Variants in CA10 observed in about 807,000 individuals in gnomAD.
The protein encoded by CA10 is carbonic anhydrase 10 (inactive).
CA10 carries 14 observed loss-of-function variants against 44.2 expected under a neutral mutation model. The observed-to-expected ratio is 0.32, with a 90% CI of 0.21 to 0.50. The LOEUF (loss-of-function observed/expected upper bound fraction) is 0.50, where lower values mean the gene tolerates loss of function less well. Among genes scored for constraint, CA10 ranks in the 20% least tolerant of loss-of-function variants. CA10 has a pLI of 0.99. For missense variants in CA10, 350 were observed against 409.7 expected, an observed-to-expected ratio of 0.85 and a Z score of 1.26; for synonymous variants, 159 against 141.6, an observed-to-expected ratio of 1.12 and a Z score of -0.87.
In CA10 at chr17:51,805,413, G is replaced by A. The variant is rs78468376; in HGVS notation, c.280-57595C>T. On this transcript the variant is annotated intron_variant, in intron 3 of 8. Coordinates refer to ENST00000451037, the MANE Select transcript of CA10 (RefSeq NM_020178.5). ...ATTGAGTAACGAAGACAATTACAGT[G>A]CTGTGAAGGCAATAACCAGGGTGAC... Among the ~76,000 whole-genome samples, 1,376 of 152,280 alleles carry A rather than the reference G, an allele frequency of 9.0e-3. 22 individuals are homozygous for A. The highest frequency in any genetic ancestry group is 0.031 in the African/African-American group (1,280 of 41,552).
chr17:51,899,019 T>C (rs952448597), intron 3 of CA10, among the ~76,000 whole-genome samples: 1 of 152,030 alleles, frequency 6.6e-6, no homozygotes, highest in African/African-American at 2.4e-5. Context: ...ATCTTTTGTA[T>C]GGTTTTCCCA....
At chr17:51,817,340 GAC>G (rs1385359820) in intron 3 of CA10, among the ~76,000 whole-genome samples, 1 of 152,184 alleles carries the variant, frequency 6.6e-6, no homozygotes, top group African/African-American at 2.4e-5. Flanking sequence ...GAGTAGTTGA[GAC>G]AGAGATCCTA....
At chr17:52,078,335 T>C (rs1987872263) in intron 1 of CA10, among the ~76,000 whole-genome samples, 1 of 152,162 alleles carries the variant, frequency 6.6e-6, no homozygotes, top group African/African-American at 2.4e-5. Flanking sequence ...TGTTGCTTAA[T>C]AAAACTCCAC....
chr17:52,006,560 T>C lies in CA10; in HGVS notation c.136+65759A>G, dbSNP rs116564962. 7.9e-3 allele frequency among the ~76,000 whole-genome samples: 1,192 copies of C among 151,802 alleles called. 13 individuals carry two copies. Among genetic ancestry groups the C allele is most frequent in the African/African-American group, 0.027 (1,128 of 41,506 alleles). Reference sequence around the variant, plus strand: ...AGAGGTAATCAAGGTCCCAAAGCTGTTTTATATCCTTTCTGATTGTTGTTT... The same window carrying C: ...AGAGGTAATCAAGGTCCCAAAGCTGCTTTATATCCTTTCTGATTGTTGTTT... On this transcript the variant is annotated intron_variant, in intron 2 of 8. Transcript: ENST00000451037.
intron 3 of CA10, among the ~76,000 whole-genome samples, chr17:51,898,759 C>G (rs911207465): frequency 3.9e-5 from 6 of 151,992 alleles, no homozygotes; most frequent in African/African-American, 1.4e-4. Context: ...TATTCAGTTT[C>G]TTTCTGGTTC....
In CA10 at chr17:51,901,148, C is replaced by CT. The variant is rs541402615; in HGVS notation, c.279+29841dup. 2.0e-3 allele frequency among the ~76,000 whole-genome samples: 300 copies of CT among 152,146 alleles called. 5 individuals carry two copies. The highest frequency in any genetic ancestry group is 0.017 in the Admixed American group (258 of 15,270). On this transcript the variant is annotated intron_variant, in intron 3 of 8. Coordinates refer to ENST00000451037, the MANE Select transcript of CA10 (RefSeq NM_020178.5). ...TTCTTATCTGTATGGGCTGATGTTC[C>CT]TTTTTATATTTGATGTTACTGTCCT...
chr17:51,820,785 A>G lies in CA10; in HGVS notation c.280-72967T>C, dbSNP rs116679324. Among the ~76,000 whole-genome samples, 870 of 152,140 alleles carry G rather than the reference A, an allele frequency of 5.7e-3. 16 individuals are homozygous for G. The highest frequency in any genetic ancestry group is 0.02 in the African/African-American group (824 of 41,424). ...CTACTCATTTAGAGCACGTCCCAGA[A>G]TTAGTGTGAGGGTTATGTTAGATAA... On this transcript the variant is annotated intron_variant, in intron 3 of 8. Transcript: ENST00000451037.
chr17:51,703,272 T>C (rs920540073), intron 4 of CA10, among the ~76,000 whole-genome samples: 4 of 152,186 alleles, frequency 2.6e-5, no homozygotes, highest in Non-Finnish European at 4.4e-5. Flanking sequence ...TCTTTGTTCA[T>C]TAGTTATAGT....
intron 2 of CA10, among the ~76,000 whole-genome samples, chr17:51,941,339 G>T (rs996404894): frequency 6.6e-6 from 1 of 152,160 alleles, no homozygotes; most frequent in Non-Finnish European, 1.5e-5. Context: ...AAGACAGTCT[G>T]GTTGACGTAG....
chr17:51,821,399 A>G (rs967153164), intron 3 of CA10, among the ~76,000 whole-genome samples: 2 of 151,866 alleles, frequency 1.3e-5, no homozygotes, highest in African/African-American at 4.9e-5. Context: ...AGTTTCTCTT[A>G]TATCTTGCAG....
chr17:52,076,227 G>A (rs910353617), intron 1 of CA10, among the ~76,000 whole-genome samples: 2 of 152,116 alleles, frequency 1.3e-5, no homozygotes, highest in African/African-American at 4.8e-5. Context: ...CTATCTAGAA[G>A]GAAGAAGAAA....
At chr17:51,930,606 T>A (rs1982616974) in intron 3 of CA10, among the ~76,000 whole-genome samples, 1 of 152,170 alleles carries the variant, frequency 6.6e-6, no homozygotes, top group African/African-American at 2.4e-5. Context: ...CGTCTGATTT[T>A]ATTTTTGTTA....
At chr17:51,962,748 T>C (rs1261018401) in intron 2 of CA10, among the ~76,000 whole-genome samples, 1 of 151,956 alleles carries the variant, frequency 6.6e-6, no homozygotes, top group Non-Finnish European at 1.5e-5. Flanking sequence ...AATGATATTA[T>C]AGGGAAATAA....
chr17:51,973,175 T>A (rs1236635746), intron 2 of CA10, among the ~76,000 whole-genome samples: 1 of 152,144 alleles, frequency 6.6e-6, no homozygotes, highest in Non-Finnish European at 1.5e-5. Flanking sequence ...CAGACATGGA[T>A]AAGAGAGAAC....
At chr17:51,699,388 G>A (rs934848903) in intron 4 of CA10, among the ~76,000 whole-genome samples, 2 of 151,516 alleles carry the variant, frequency 1.3e-5, no homozygotes, top group Non-Finnish European at 2.9e-5. Flanking sequence ...GGATAGTAAG[G>A]TGGTTTGAGG....
intron 1 of CA10, among the ~76,000 whole-genome samples, chr17:52,098,046 C>T (rs548209715): frequency 1.7e-3 from 263 of 152,240 alleles, no homozygotes; most frequent in African/African-American, 6.1e-3. Context: ...TACACCAGGA[C>T]CTTATGCCTG....
At chr17:51,796,008 C>T (rs1437488379) in intron 3 of CA10, among the ~76,000 whole-genome samples, 1 of 152,156 alleles carries the variant, frequency 6.6e-6, no homozygotes, top group Non-Finnish European at 1.5e-5. Context: ...TAGAACGGGG[C>T]TTGCAGTCTG....
intron 2 of CA10, among the ~76,000 whole-genome samples, chr17:52,017,790 T>C (rs1261518423): frequency 6.6e-6 from 1 of 152,052 alleles, no homozygotes; most frequent in East Asian, 1.9e-4. Flanking sequence ...ATGGTAGTCA[T>C]GCACTCGTAG....
chr17:52,061,398 C>T (rs1987381266), intron 2 of CA10, among the ~76,000 whole-genome samples: 1 of 152,100 alleles, frequency 6.6e-6, no homozygotes, highest in Non-Finnish European at 1.5e-5. Context: ...GCAGGCTGCC[C>T]TAGTGACACC....
Sources: allele counts gnomAD v4.1 joint callset (sites outside exome capture counted in the v4.1 genomes callset), GRCh38; gene constraint gnomAD v4.1.1; transcripts MANE v1.5; gene names NCBI Gene and HGNC (gene_info 2026-07-23, HGNC 2026-07-21).